Variants in PTGER3 observed in about 807,000 individuals in gnomAD.
PTGER3 encodes the protein prostaglandin E receptor 3.
PTGER3 carries 22 observed loss-of-function variants against 34.7 expected under a neutral mutation model. That is an observed-to-expected ratio of 0.63 (90% confidence interval 0.45 to 0.91). The LOEUF (loss-of-function observed/expected upper bound fraction) is 0.91. PTGER3 is among the 40% of genes least tolerant of loss of function. PTGER3 has a pLI of 0.00. For missense variants in PTGER3, 468 were observed against 519.4 expected (o/e 0.90, Z 0.96); for synonymous variants, 241 against 230.1 (o/e 1.05, Z -0.43).
chr1:71,000,473 T>C (rs1212570948), intron 2 of PTGER3, among the ~76,000 whole-genome samples: 1 of 152,232 alleles, frequency 6.6e-6, no homozygotes, highest in Admixed American at 6.5e-5. Context: ...AAGCATTCTC[T>C]TTCCATTTCT....
chr1:70,879,919 C>T (rs1646353696), intron 4 of PTGER3, among the ~76,000 whole-genome samples: 1 of 151,980 alleles, frequency 6.6e-6, no homozygotes, highest in African/African-American at 2.4e-5. Flanking sequence ...ATGGTGGAAC[C>T]TTGTCTCTAC....
intron 4 of PTGER3, among the ~76,000 whole-genome samples, chr1:70,868,084 A>G (rs1294928789): frequency 6.6e-6 from 1 of 152,140 alleles, no homozygotes; most frequent in African/African-American, 2.4e-5. Context: ...CCTTAGATAT[A>G]CCATGCTGTT....
chr1:70,950,089 A>G (rs146934883), downstream of PTGER3, among the ~76,000 whole-genome samples: 458 of 152,310 alleles, frequency 3.0e-3, 5 homozygotes, highest in African/African-American at 0.011. Flanking sequence ...GGAAAATTTT[A>G]ACTTGATTTG....
intron 2 of PTGER3, among the ~76,000 whole-genome samples, chr1:70,985,655 C>G (rs1384660380): frequency 3.3e-5 from 5 of 152,306 alleles, no homozygotes; most frequent in Non-Finnish European, 2.9e-5. Flanking sequence ...CTCCTCCTCC[C>G]TGCTCTTTCT....
chr1:70,914,898 G>C (rs1288792969), intron 4 of PTGER3, among the ~76,000 whole-genome samples: 2 of 151,822 alleles, frequency 1.3e-5, no homozygotes, highest in East Asian at 3.9e-4. Context: ...AAGATTAGGA[G>C]ACCTGTGTTT....
chr1:70,971,641 A>G lies in PTGER3; in HGVS notation c.*89T>C. 7 of 1,450,662 alleles carry G rather than the reference A, an allele frequency of 4.8e-6. No homozygotes were observed. Among genetic ancestry groups the G allele is most frequent in the Non-Finnish European group, 6.4e-6 (7 of 1,097,438 alleles). The allele number at this position is 1,450,662 out of a possible 1,614,324, so 89.9% of individuals were successfully genotyped here. ...AAAAATGAAGAAATAATCCAAATTA[A>G]AATATATAATTATCCTTCTCAGGTG... On this transcript the variant is annotated 3_prime_UTR_variant, in exon 4 of 4. Transcript: ENST00000306666.
At chr1:70,985,408 A>G (rs1883459) in intron 2 of PTGER3, among the ~76,000 whole-genome samples, 49,766 of 151,952 alleles carry the variant, frequency 0.33, 9,710 homozygotes, top group African/African-American at 0.55. Flanking sequence ...GTTGGAGGCC[A>G]AAAGAGTAAG....
chr1:70,871,670 G>A (rs776379423), intron 4 of PTGER3, among the ~76,000 whole-genome samples: 9 of 152,088 alleles, frequency 5.9e-5, no homozygotes, highest in Non-Finnish European at 1.3e-4. Context: ...AAAATGAGGA[G>A]AGCCTGAAGT....
intron 2 of PTGER3, among the ~76,000 whole-genome samples, chr1:70,986,068 C>T (rs561508139): frequency 5.9e-5 from 9 of 152,210 alleles, no homozygotes; most frequent in African/African-American, 2.2e-4. Context: ...ACCAAGATGG[C>T]GACAAGAGTG....
At chr1:71,041,693 CT>C (rs762142148) in intron 1 of PTGER3, among the ~76,000 whole-genome samples, 1 of 152,078 alleles carries the variant, frequency 6.6e-6, no homozygotes, top group Non-Finnish European at 1.5e-5. Context: ...TCCTTCCTGT[CT>C]TTTTGTAAAG....
chr1:70,934,408 C>T (rs1221566214), intron 4 of PTGER3, among the ~76,000 whole-genome samples: 2 of 152,184 alleles, frequency 1.3e-5, no homozygotes, highest in Non-Finnish European at 2.9e-5. Flanking sequence ...AAGTGACTGG[C>T]TCCCTTTCAG....
At chr1:71,011,952 T>G in intron 2 of PTGER3, 1 of 1,270,804 alleles carries the variant, frequency 7.9e-7, no homozygotes, top group Non-Finnish European at 9.9e-7. Context: ...AAAAATGTTT[T>G]CATCACATAA....
chr1:70,946,341 T>C (rs1001107755), intron 4 of PTGER3, among the ~76,000 whole-genome samples: 6 of 152,090 alleles, frequency 3.9e-5, no homozygotes, highest in African/African-American at 1.4e-4. Context: ...AGTTTACAAA[T>C]GAAGTGGGTC....
intron 2 of PTGER3, among the ~76,000 whole-genome samples, chr1:70,964,357 ATGC>A (rs1472955320): frequency 6.6e-6 from 1 of 152,160 alleles, no homozygotes; most frequent in East Asian, 1.9e-4. Flanking sequence ...GTCTGTTTCC[ATGC>A]TGCCAACAAA....
At chr1:70,994,703 C>G (rs551433191) in intron 2 of PTGER3, among the ~76,000 whole-genome samples, 1 of 152,072 alleles carries the variant, frequency 6.6e-6, no homozygotes, top group Non-Finnish European at 1.5e-5. Context: ...CGATCCACCC[C>G]CCTCAGCCTC....
At chr1:70,962,272 T>C (rs1652007858) in intron 2 of PTGER3, among the ~76,000 whole-genome samples, 1 of 152,226 alleles carries the variant, frequency 6.6e-6, no homozygotes, top group Non-Finnish European at 1.5e-5. Context: ...TTATTTTTCC[T>C]GGAGTTTCCA....
At chr1:71,033,090 C>G (rs1051054877) in intron 1 of PTGER3, among the ~76,000 whole-genome samples, 2 of 152,158 alleles carry the variant, frequency 1.3e-5, no homozygotes, top group African/African-American at 4.8e-5. Context: ...TCCTAATTCT[C>G]TCTTCCTAGT....
At chr1:70,858,638 C>T (rs1329811656) in intron 4 of PTGER3, among the ~76,000 whole-genome samples, 1 of 152,054 alleles carries the variant, frequency 6.6e-6, no homozygotes, top group Non-Finnish European at 1.5e-5. Flanking sequence ...AAAATATACC[C>T]TAAAAAGATT....
At chr1:70,917,982 G>A (rs771542939) in intron 4 of PTGER3, among the ~76,000 whole-genome samples, 1 of 151,884 alleles carries the variant, frequency 6.6e-6, no homozygotes, top group African/African-American at 2.4e-5. Context: ...TGCAAGTCAG[G>A]TGTATAGTTT....
Sources: allele counts gnomAD v4.1 joint callset (sites outside exome capture counted in the v4.1 genomes callset), GRCh38; gene constraint gnomAD v4.1.1; transcripts MANE v1.5; gene names NCBI Gene and HGNC (gene_info 2026-07-23, HGNC 2026-07-21).